Variants in DPP10 observed in about 807,000 individuals in gnomAD.
DPP10 encodes the protein dipeptidyl peptidase like 10, also known as inactive dipeptidyl peptidase 10.
Under a neutral mutation model 120.9 loss-of-function variants are expected in DPP10, and 33 were observed. That is an observed-to-expected ratio of 0.27 (90% confidence interval 0.21 to 0.37). DPP10 has a LOEUF of 0.37. DPP10 is among the 10% of genes least tolerant of loss of function. DPP10 has a pLI of 1.00. For missense variants in DPP10, 816 were observed against 942.8 expected, an observed-to-expected ratio of 0.87 and a Z score of 1.76; for synonymous variants, 337 against 326.1, an observed-to-expected ratio of 1.03 and a Z score of -0.36.
chr2:115,427,132 G>A (rs2070552541), intron 3 of DPP10, among the ~76,000 whole-genome samples: 1 of 152,124 alleles, frequency 6.6e-6, no homozygotes. Context: ...GCAAGGGGTG[G>A]GCTCCCAGGG....
At chr2:115,168,179 C>T (rs1364108029) in intron 1 of DPP10, among the ~76,000 whole-genome samples, 2 of 152,046 alleles carry the variant, frequency 1.3e-5, no homozygotes, top group Non-Finnish European at 2.9e-5. Flanking sequence ...TTTTTCTACA[C>T]CTTTTTCTGT....
intron 1 of DPP10, among the ~76,000 whole-genome samples, chr2:114,822,216 G>T (rs112117753): frequency 6.6e-6 from 1 of 152,096 alleles, no homozygotes; most frequent in Non-Finnish European, 1.5e-5. Context: ...CCAAACCTCA[G>T]TTCATGACTT....
chr2:115,040,938 A>T (rs964449218), intron 1 of DPP10, among the ~76,000 whole-genome samples: 3 of 151,814 alleles, frequency 2.0e-5, no homozygotes, highest in African/African-American at 7.3e-5. Context: ...GGCCAACATG[A>T]TGAAGCTCCG....
intron 1 of DPP10, among the ~76,000 whole-genome samples, chr2:114,909,711 C>A (rs1236347077): frequency 2.0e-5 from 3 of 151,964 alleles, no homozygotes; most frequent in East Asian, 3.8e-4. Context: ...AAAAAGAAAA[C>A]AACTGAAGTC....
chr2:114,610,558 G>A (rs1441925140), intron 1 of DPP10, among the ~76,000 whole-genome samples: 3 of 152,062 alleles, frequency 2.0e-5, no homozygotes, highest in Admixed American at 2.0e-4. Context: ...GAGGTGCTTT[G>A]AGTTTTGGGT....
At chr2:114,674,525 C>T (rs1226362030) in intron 1 of DPP10, among the ~76,000 whole-genome samples, 3 of 152,034 alleles carry the variant, frequency 2.0e-5, no homozygotes, top group Non-Finnish European at 2.9e-5. Flanking sequence ...TAAATTAAAC[C>T]TCTTTTTAAA....
chr2:115,770,367 A>G (rs1215632336), intron 13 of DPP10, among the ~76,000 whole-genome samples: 1 of 152,104 alleles, frequency 6.6e-6, no homozygotes, highest in African/African-American at 2.4e-5. Context: ...AACTTAATAA[A>G]GTTCTTACAT....
chr2:114,528,178 G>A (rs114056434), intron 1 of DPP10, among the ~76,000 whole-genome samples: 1 of 152,148 alleles, frequency 6.6e-6, no homozygotes, highest in Non-Finnish European at 1.5e-5. Flanking sequence ...CAAGCACAGG[G>A]CACTGCAAGA....
At chr2:115,540,368 G>A (rs1479298712) in intron 5 of DPP10, among the ~76,000 whole-genome samples, 2 of 151,788 alleles carry the variant, frequency 1.3e-5, no homozygotes, top group Non-Finnish European at 2.9e-5. Flanking sequence ...AATCTGTGAG[G>A]TAAATCCAAC....
At chr2:115,161,834 CA>C in intron 1 of DPP10, 1 of 980,986 alleles carries the variant, frequency 1.0e-6, no homozygotes, top group African/African-American at 1.7e-5. Flanking sequence ...CCGCTCCCCC[CA>C]CCCCGTCCCT....
At chr2:114,773,645 GCATTTTC>G (rs1195961928) in intron 1 of DPP10, among the ~76,000 whole-genome samples, 1 of 152,100 alleles carries the variant, frequency 6.6e-6, no homozygotes, top group Non-Finnish European at 1.5e-5. Context: ...ACCAAAGCAA[GCATTTTC>G]CATTTTTAAC....
intron 13 of DPP10, among the ~76,000 whole-genome samples, chr2:115,772,827 T>C (rs889199593): frequency 6.6e-6 from 1 of 152,096 alleles, no homozygotes; most frequent in African/African-American, 2.4e-5. Flanking sequence ...AAAGATGGAG[T>C]AAGCAGAATT....
chr2:114,928,492 C>T lies in DPP10; in HGVS notation c.61-380747C>T, dbSNP rs115412448. On this transcript the variant is annotated intron_variant, in intron 1 of 25. Transcript: ENST00000410059. ...CTGACACACTGGAAGAAGAGGTGGG[C>T]TCCCAAGGCTTAGGGCAGCCCTGAC... Among the ~76,000 whole-genome samples, 1,336 of 152,268 alleles carry T rather than the reference C, an allele frequency of 8.8e-3. 14 individuals are homozygous for T. The highest frequency in any genetic ancestry group is 0.03 in the African/African-American group (1,267 of 41,556).
At chr2:115,789,646 T>C (rs1416742016) in intron 17 of DPP10, among the ~76,000 whole-genome samples, 1 of 152,122 alleles carries the variant, frequency 6.6e-6, no homozygotes, top group African/African-American at 2.4e-5. Flanking sequence ...AAGAAATATA[T>C]GCAGTAAAAC....
At chr2:115,425,801 A>G (rs2070401569) in intron 3 of DPP10, among the ~76,000 whole-genome samples, 1 of 152,212 alleles carries the variant, frequency 6.6e-6, no homozygotes, top group African/African-American at 2.4e-5. Context: ...GTGTACAAGC[A>G]TAGCACGGGC....
At chr2:114,453,433 G>T (rs932312880) in intron 1 of DPP10, among the ~76,000 whole-genome samples, 1 of 151,906 alleles carries the variant, frequency 6.6e-6, no homozygotes, top group Non-Finnish European at 1.5e-5. Context: ...ACATGTCATT[G>T]GACTTTCTTC....
chr2:115,094,567 G>A (rs1402810458), intron 1 of DPP10, among the ~76,000 whole-genome samples: 9 of 152,088 alleles, frequency 5.9e-5, no homozygotes, highest in East Asian at 1.9e-4. Context: ...GGTTACGAGC[G>A]TCTTGTCTGA....
chr2:114,899,016 G>A (rs1461032733), intron 1 of DPP10, among the ~76,000 whole-genome samples: 2 of 151,882 alleles, frequency 1.3e-5, no homozygotes, highest in Non-Finnish European at 2.9e-5. Context: ...ATTACATGGA[G>A]AGAGGTATGA....
chr2:115,325,585 A>G (rs907907028), intron 2 of DPP10, among the ~76,000 whole-genome samples: 1 of 152,176 alleles, frequency 6.6e-6, no homozygotes. Context: ...TTTGAATTGC[A>G]TATATCACCA....
Sources: gnomAD v4.1 joint callset for allele counts (sites outside exome capture counted in the v4.1 genomes callset) on GRCh38, gnomAD v4.1.1 for gene constraint, MANE v1.5 for transcripts, NCBI Gene and HGNC (gene_info 2026-07-23, HGNC 2026-07-21) for gene names.